Variants in AMIGO3 observed in about 807,000 individuals in gnomAD.
AMIGO3 encodes adhesion molecule with Ig like domain 3, also known as amphoterin-induced protein 3.
A neutral mutation model predicts 4.3 loss-of-function variants in AMIGO3; 6 were observed. The observed-to-expected ratio is 1.39, with a 90% confidence interval of 0.76 to 2.75. The LOEUF is 2.75. Ranked by LOEUF, AMIGO3 falls within the 30% of genes most tolerant of loss-of-function variation. AMIGO3 has a pLI of 0.00. For synonymous variants in AMIGO3, 315 were observed against 320.0 expected, an observed-to-expected ratio of 0.98 and a Z score of 0.17; for missense variants, 771 against 692.1, an observed-to-expected ratio of 1.11 and a Z score of -1.28.
rs943646528 is a variant in AMIGO3, at chr3:49,719,370, G to A, written c.96C>T (p.His32=). The change falls in exon 1 of 1, where the codon CAC becomes CAT. Residue 32 remains histidine (H), a synonymous_variant. Transcript: ENST00000320431. ...DSEGFPPRAL[H]NCPYKCICAA... ...CGCAGATACATTTGTAGGGGCAGTT[G>A]TGGAGCGCACGGGGCGGGAAACCCT... The A allele has an allele frequency of 3.1e-6, 5 of 1,613,646 alleles. No individual in the cohort carries two copies. Among genetic ancestry groups the A allele is most frequent in the East Asian group, 2.2e-5 (1 of 44,884 alleles).
rs753941544 is a variant in AMIGO3, at chr3:49,718,354, A to C, written c.1112T>G (p.Val371Gly). 1.2e-6 allele frequency: 2 copies of C among 1,613,386 alleles called. No homozygotes were observed. The highest frequency in any genetic ancestry group is 1.3e-5 in the African/African-American group (1 of 75,048). The change falls in exon 1 of 1, where the codon GTG becomes GGG. Residue 371 changes from valine to glycine, a missense_variant. Physicochemically the swap from Val to Gly is moderately radical, Grantham distance 109. Coordinates refer to ENST00000320431, the MANE Select transcript of AMIGO3 (RefSeq NM_198722.3). ...HNQTHEYNVSVHFPRPEPEAF... is the reference protein window; with the variant it reads ...HNQTHEYNVSGHFPRPEPEAF... ...CTCGGGCTCTGGGCGCGGAAAGTGC[A>C]CGCTCACGTTGTACTCGTGCGTCTG...
Position 49,718,621 on chromosome 3 carries a change from T to A in AMIGO3, c.845A>T (p.Glu282Val). The stretch of plus-strand genomic sequence containing the variant: ...CGCGTACAGGTGCTCTTCCGGCCGC[T>A]CTAGGCCAAGAGCTGGGGCCGACGA... ...NCSSAPALGL[E>V]RPEEHLYALV... The change falls in exon 1 of 1, where the codon GAG (glutamate) becomes GTG (valine). Residue 282 changes from glutamate (E) to valine (V), a missense_variant. Glu to Val is a moderately radical substitution (Grantham distance 121, BLOSUM62 -2). Coordinates refer to ENST00000320431, the MANE Select transcript of AMIGO3 (RefSeq NM_198722.3). 6.2e-7 allele frequency: 1 copy of A among 1,612,966 alleles called. No homozygotes were observed. The highest frequency in any genetic ancestry group is 1.3e-5 in the African/African-American group (1 of 75,052).
At position 49,718,908 on chromosome 3, in the gene AMIGO3, A is replaced by G; in HGVS notation, c.558T>C (p.Leu186=). The G allele has an allele frequency of 8.1e-6, 13 of 1,613,672 alleles. No individual in the cohort carries two copies. Among genetic ancestry groups the G allele is most frequent in the Non-Finnish European group, 9.3e-6 (11 of 1,180,034 alleles). The part of the protein sequence containing the change: ...HLHGLSATHL[L]TLDLSSNRLG... ...GCCGGTTGGAGGAGAGGTCCAGAGTAAGCAGGTGGGTGGCGCTCAGACCGT... is the reference window on the plus strand; with the variant it reads ...GCCGGTTGGAGGAGAGGTCCAGAGTGAGCAGGTGGGTGGCGCTCAGACCGT... The change falls in exon 1 of 1, where the codon CTT becomes CTC. Residue 186 remains leucine, a synonymous_variant. Transcript: ENST00000320431.
At position 49,718,550 on chromosome 3, in the gene AMIGO3, C is replaced by T. The variant is rs2080305015; in HGVS notation, c.916G>A (p.Ala306Thr). Residue 306 changes from alanine (A) to threonine (T), a missense_variant, in exon 1 of 1, where the codon GCC becomes ACC. Transcript: ENST00000320431. Reference sequence around the variant, plus strand: ...GGCGAAACCCAGGCAATGCGCATGGCCGGGACGCTGGTGTTGCAGTAAAGC... The same window carrying T: ...GGCGAAACCCAGGCAATGCGCATGGTCGGGACGCTGGTGTTGCAGTAAAGC... Reference protein sequence around the residue: ...LRLYCNTSVPAMRIAWVSPQQ... With the variant: ...LRLYCNTSVPTMRIAWVSPQQ... The T allele has an allele frequency of 1.2e-6, 2 of 1,613,160 alleles. No homozygotes were observed. Among genetic ancestry groups the T allele is most frequent in the East Asian group, 2.2e-5 (1 of 44,876 alleles).
rs1237596292 is a variant in AMIGO3 at position 49,718,543 on chromosome 3, C to T, written c.923G>A (p.Arg308His). ...CTGCTGCGGCGAAACCCAGGCAATG[C>T]GCATGGCCGGGACGCTGGTGTTGCA... ...LYCNTSVPAM[R>H]IAWVSPQQEL... is the part of the protein sequence containing the mutation. The change falls in exon 1 of 1, where the codon CGC (arginine) becomes CAC (histidine). Residue 308 changes from arginine to histidine, a missense_variant. Coordinates refer to ENST00000320431, the MANE Select transcript of AMIGO3 (RefSeq NM_198722.3). The T allele has an allele frequency of 1.2e-6, 2 of 1,613,062 alleles. No individual in the cohort carries two copies. The highest frequency in any genetic ancestry group is 1.7e-6 in the Non-Finnish European group (2 of 1,179,970).
In AMIGO3 at chr3:49,719,198, G is replaced by A; in HGVS notation, c.268C>T (p.Leu90=). The change falls in exon 1 of 1, where the codon CTG becomes TTG. Residue 90 remains leucine, a synonymous_variant. Transcript: ENST00000320431. The part of the protein sequence containing the change: ...WLAPLFQLRA[L]HLDHNELDAL... ...TCTAGTTCGTTGTGGTCTAGGTGCA[G>A]GGCGCGCAGCTGGAAGAGGGGCGCC... The A allele has an allele frequency of 6.2e-7, 1 of 1,613,364 alleles. No individual in the cohort carries two copies. The highest frequency in any genetic ancestry group is 2.2e-5 in the East Asian group (1 of 44,874).
At position 49,717,731 on chromosome 3, in the gene AMIGO3, T is replaced by G; in HGVS notation, c.*220A>C. 1.6e-6 allele frequency: 1 copy of G among 610,682 alleles called. No individual in the cohort carries two copies. The highest frequency in any genetic ancestry group is 1.8e-5 in the African/African-American group (1 of 54,124). The allele number at this position is 610,682 out of a possible 1,614,324, so 37.8% of individuals were successfully genotyped here. On this transcript the variant is annotated 3_prime_UTR_variant, in exon 1 of 1. Coordinates refer to ENST00000320431, the MANE Select transcript of AMIGO3 (RefSeq NM_198722.3). The stretch of plus-strand genomic sequence containing the variant: ...AGCACACCTTGCAGGGCCTGGGGCC[T>G]TTGGGTCCTGTGCAGGGGCAGAGCA...
rs1438871934 is a variant in AMIGO3, at chr3:49,717,781, CCT to C, written c.*168_*169del. ...AGAAGGCAGGTTGGGGACCACAACC[CCT>C]GTCTCTACCAGTGAGCGAGAAGGCC... On this transcript the variant is annotated 3_prime_UTR_variant, in exon 1 of 1. Transcript: ENST00000320431. The C allele has an allele frequency of 1.1e-5, 8 of 738,916 alleles. No homozygotes were observed. Among genetic ancestry groups the C allele is most frequent in the African/African-American group, 3.5e-5 (2 of 56,502 alleles). 45.8% of individuals were successfully genotyped at this position (738,916 alleles called of 1,614,324 possible). A position where few individuals can be genotyped will look rare whatever the true frequency, so the allele number is the denominator to read the frequency against.
chr3:49,718,267 A>G lies in AMIGO3; in HGVS notation c.1199T>C (p.Leu400Pro), dbSNP rs2080293140. The G allele has an allele frequency of 6.2e-7, 1 of 1,612,722 alleles. No individual in the cohort carries two copies. The highest frequency in any genetic ancestry group is 8.5e-7 in the Non-Finnish European group (1 of 1,179,730). Residue 400 changes from leucine (L) to proline (P), a missense_variant, in exon 1 of 1, where the codon CTC becomes CCC. Transcript: ENST00000320431. ...GCGGCAGGGTGGGGCGAACAGGTAG[A>G]GCAGCACGAGCACAAGGCCCACGGC... ...GCAVGLVLVL[L>P]YLFAPPCRCC...
In AMIGO3 at chr3:49,718,558, C is replaced by T. The variant is rs1414868542; in HGVS notation, c.908G>A (p.Ser303Asn). The change falls in exon 1 of 1, where the codon AGC becomes AAC. Residue 303 changes from serine (S) to asparagine (N), a missense_variant. Physicochemically the swap from Ser to Asn is conservative, Grantham distance 46. Coordinates refer to ENST00000320431, the MANE Select transcript of AMIGO3 (RefSeq NM_198722.3). ...CCAGGCAATGCGCATGGCCGGGACG[C>T]TGGTGTTGCAGTAAAGCCTCAGGGA... ...GRSLRLYCNT[S>N]VPAMRIAWVS... is the part of the protein sequence containing the mutation. The T allele has an allele frequency of 1.2e-6, 2 of 1,613,152 alleles. No individual in the cohort carries two copies. Among genetic ancestry groups the T allele is most frequent in the Admixed American group, 3.3e-5 (2 of 60,026 alleles).
rs1285093553 is a variant in AMIGO3 at position 49,717,642 on chromosome 3, G to A, written c.*309C>T. On this transcript the variant is annotated 3_prime_UTR_variant, in exon 1 of 1. Transcript: ENST00000320431. ...GCTGTGCTGTGTTGAAAGCCACAGG[G>A]GCCTGGGTCTCTCAGCCTCACAGGG... 1 of 477,504 alleles carries A rather than the reference G, an allele frequency of 2.1e-6. No individual in the cohort carries two copies. The highest frequency in any genetic ancestry group is 3.8e-6 in the Non-Finnish European group (1 of 263,962). The allele number at this position is 477,504 out of a possible 1,614,324, so 29.6% of individuals were successfully genotyped here.
chr3:49,718,412 ACACGAAGAGT>A lies in AMIGO3; in HGVS notation c.1044_1053del (p.Leu349AlafsTer18). 6.2e-7 allele frequency: 1 copy of A among 1,613,046 alleles called. No individual in the cohort carries two copies. The highest frequency in any genetic ancestry group is 8.5e-7 in the Non-Finnish European group (1 of 1,179,930). ...TGCAGGCGGGGCCCAGTGGCCAGGC[ACACGAAGAGT>A]CCCGCATGCTGCTCCTGTACGTTGC... On this transcript the variant is annotated frameshift_variant, in exon 1 of 1. Coordinates refer to ENST00000320431, the MANE Select transcript of AMIGO3 (RefSeq NM_198722.3). LOFTEE classifies it low-confidence loss of function (END_TRUNC).
In AMIGO3 at chr3:49,719,291, A is replaced by G. The variant is rs1362794445; in HGVS notation, c.175T>C (p.Leu59=). 6.2e-7 allele frequency: 1 copy of G among 1,613,010 alleles called. No individual in the cohort carries two copies. The highest frequency in any genetic ancestry group is 2.2e-5 in the East Asian group (1 of 44,862). ...GLGLQDVPAE[L]PAATADLDLS... The stretch of plus-strand genomic sequence containing the variant: ...TCGAGGTCCGCAGTAGCGGCAGGTA[A>G]CTCGGCTGGCACGTCCTGCAGCCCT... Residue 59 remains leucine, a synonymous_variant, in exon 1 of 1, where the codon TTA becomes CTA. Transcript: ENST00000320431.
At position 49,718,093 on chromosome 3, in the gene AMIGO3, T is replaced by A. The variant is rs750740311; in HGVS notation, c.1373A>T (p.Glu458Val). Residue 458 changes from glutamate to valine, a missense_variant, in exon 1 of 1, where the codon GAG (glutamate) becomes GTG (valine). Glu to Val is a moderately radical substitution (Grantham distance 121). Transcript: ENST00000320431. ...ASVHKHVVFLEPGRRGLNGRV... is the reference protein window; with the variant it reads ...ASVHKHVVFLVPGRRGLNGRV... ...GCCATTGAGGCCCCTCCGGCCTGGC[T>A]CCAGAAAGACTACGTGCTTGTGGAC... 6.2e-7 allele frequency: 1 copy of A among 1,613,580 alleles called. No individual in the cohort carries two copies. Among genetic ancestry groups the A allele is most frequent in the South Asian group, 1.1e-5 (1 of 91,090 alleles).
Position 49,718,000 on chromosome 3 carries a change from C to A in AMIGO3, c.1466G>T (p.Gly489Val), listed in dbSNP as rs757808410. Residue 489 changes from glycine (G) to valine (V), a missense_variant, in exon 1 of 1, where the codon GGC (glycine) becomes GTC (valine). Physicochemically the swap from Gly to Val is moderately radical, Grantham distance 109. Coordinates refer to ENST00000320431, the MANE Select transcript of AMIGO3 (RefSeq NM_198722.3). ...GCCTATGGAGCTGGCGGACTCAGAG[C>A]CAGCCTTCAGCTGCAGGCCTCCAGG... is the stretch of plus-strand genomic sequence containing the variant. ...YNPGGLQLKA[G>V]SESASSIGSE... 2 of 1,613,624 alleles carry A rather than the reference C, an allele frequency of 1.2e-6. No homozygotes were observed. The highest frequency in any genetic ancestry group is 1.7e-6 in the Non-Finnish European group (2 of 1,180,036).
Position 49,719,460 on chromosome 3 carries a change from G to A in AMIGO3, c.6C>T (p.Thr2=). 9.3e-6 allele frequency: 15 copies of A among 1,610,956 alleles called. No individual in the cohort carries two copies. The highest frequency in any genetic ancestry group is 1.3e-5 in the Non-Finnish European group (15 of 1,178,870). ...GCAGTGTCCCCAGCAGCACCAACCA[G>A]GTCATGGCGGCGACCACCAGGGACA... The part of the protein sequence containing the change: M[T]WLVLLGTLLC... Residue 2 remains threonine (T), a synonymous_variant, in exon 1 of 1, where the codon ACC becomes ACT. Transcript: ENST00000320431.
Position 49,719,233 on chromosome 3 carries a change from GGGCGCA to G in AMIGO3, c.227_232del (p.Leu76_Arg77del). Reference sequence around the variant, plus strand: ...CTGGAAGAGGGGCGCCAACCAGCCGGGGCGCAGGCGCTGGAGCGCGTTGTGGCTCAG... The same window carrying G: ...CTGGAAGAGGGGCGCCAACCAGCCGGGGCGCTGGAGCGCGTTGTGGCTCAG... On this transcript the variant is annotated inframe_deletion, in exon 1 of 1. Transcript: ENST00000320431. 1 of 1,613,136 alleles carries G rather than the reference GGGCGCA, an allele frequency of 6.2e-7. No individual in the cohort carries two copies. The highest frequency in any genetic ancestry group is 8.5e-7 in the Non-Finnish European group (1 of 1,179,826).
rs976202129 is a variant in AMIGO3 at position 49,717,822 on chromosome 3, G to T, written c.*129C>A. On this transcript the variant is annotated 3_prime_UTR_variant, in exon 1 of 1. Coordinates refer to ENST00000320431, the MANE Select transcript of AMIGO3 (RefSeq NM_198722.3). ...AGCGAGAAGGCCCATTGTGTTTCGA[G>T]GCCCATACAGGAAGCTGGGGGGCCA... 2 of 1,005,906 alleles carry T rather than the reference G, an allele frequency of 2.0e-6. No individual in the cohort carries two copies. The highest frequency in any genetic ancestry group is 2.9e-6 in the Non-Finnish European group (2 of 694,388). 62.3% of individuals were successfully genotyped at this position (1,005,906 alleles called of 1,614,324 possible).
At position 49,718,280 on chromosome 3, in the gene AMIGO3, C is replaced by G. The variant is rs138276149; in HGVS notation, c.1186G>C (p.Val396Leu). ...GCGAACAGGTAGAGCAGCACGAGCA[C>G]AAGGCCCACGGCACAGCCCAGCAGT... Reference protein sequence around the residue: ...TTLLGCAVGLVLVLLYLFAPP... With the variant: ...TTLLGCAVGLLLVLLYLFAPP... Residue 396 changes from valine (V) to leucine (L), a missense_variant, in exon 1 of 1, where the codon GTG (valine) becomes CTG (leucine). Val to Leu is a conservative substitution (Grantham distance 32, BLOSUM62 1). Transcript: ENST00000320431. 3.6e-5 allele frequency: 58 copies of G among 1,612,874 alleles called. No individual in the cohort carries two copies. The highest frequency in any genetic ancestry group is 4.4e-5 in the Non-Finnish European group (52 of 1,179,844).
Sources: allele counts gnomAD v4.1 joint callset, GRCh38; gene constraint gnomAD v4.1.1; transcripts MANE v1.5; gene names NCBI Gene and HGNC (gene_info 2026-07-23, HGNC 2026-07-21).